The following DOCK2 variants were observed in gnomAD, a reference collection of about 807,000 sequenced individuals.
The protein encoded by DOCK2 is dedicator of cytokinesis 2.
Under a neutral mutation model 248.9 loss-of-function variants are expected in DOCK2, and 87 were observed. The ratio of observed to expected loss-of-function variants is 0.35; its 90% CI spans 0.29 to 0.42. The LOEUF (loss-of-function observed/expected upper bound fraction) is 0.42, where lower values mean the gene tolerates loss of function less well. DOCK2 is among the 10% of genes least tolerant of loss of function. DOCK2 has a pLI of 1.00. For missense variants in DOCK2, 1,747 were observed against 2,300.2 expected (o/e 0.76, Z 4.92); for synonymous variants, 805 against 821.6 (o/e 0.98, Z 0.35).
intron 2 of DOCK2, among the ~76,000 whole-genome samples, chr5:169,662,702 C>T (rs1758512081): frequency 6.6e-6 from 1 of 152,146 alleles, no homozygotes; most frequent in Admixed American, 6.5e-5. Context: ...CATCAGATCT[C>T]GTGAGAACTC....
chr5:169,723,541 C>T (rs949412102), intron 22 of DOCK2, among the ~76,000 whole-genome samples: 27 of 152,118 alleles, frequency 1.8e-4, no homozygotes, highest in Middle Eastern at 3.2e-3. Flanking sequence ...AAAAATTCTA[C>T]GGAGGACCCC....
chr5:169,980,742 G>A (rs1345506968), intron 27 of DOCK2: 1 of 152,214 alleles, frequency 6.6e-6, no homozygotes, highest in Non-Finnish European at 1.5e-5. Context: ...TAAATTAGCA[G>A]TGACGGCGGT....
At position 169,764,376 on chromosome 5, in the gene DOCK2, G is replaced by T. The variant is rs536370851; in HGVS notation, c.2554+2751G>T. Among the ~76,000 whole-genome samples the T allele has an allele frequency of 1.7e-4, 26 of 152,338 alleles. No homozygotes were observed. The East Asian group carries it at 2.1e-3, about 12-fold the overall frequency. ...AGGATCCTATGGAGAAGGTGGAGAA[G>T]GGTTTACTGGTTAAGGACGGTGGTT... On this transcript the variant is annotated intron_variant, in intron 25 of 51. Coordinates refer to ENST00000520908, the MANE Select transcript of DOCK2 (RefSeq NM_004946.3). This position sits in a 1 kb window ranked among gnomAD's most constrained non-coding sequence, Gnocchi z 4.3.
chr5:169,772,501 G>T (rs1418992190), intron 25 of DOCK2, among the ~76,000 whole-genome samples: 1 of 152,156 alleles, frequency 6.6e-6, no homozygotes, highest in Admixed American at 6.5e-5. Context: ...TGCTTATTAT[G>T]CACTGGCACT....
At chr5:169,698,201 G>A (rs1320778674) in intron 10 of DOCK2, among the ~76,000 whole-genome samples, 173 bp from the exon 11 acceptor site, 2 of 152,136 alleles carry the variant, frequency 1.3e-5, no homozygotes, top group African/African-American at 2.4e-5. Context: ...TGCTGCACGC[G>A]AGGAACCTCT....
chr5:169,867,993 T>C (rs1771699952), intron 27 of DOCK2, among the ~76,000 whole-genome samples: 3 of 152,218 alleles, frequency 2.0e-5, no homozygotes, highest in South Asian at 2.1e-4. Context: ...ACAATGCTCC[T>C]AGCTCCTGAA....
chr5:170,050,153 C>T (rs1756864568), intron 40 of DOCK2, 103 bp from the exon 41 acceptor site: 1 of 1,442,646 alleles, frequency 6.9e-7, no homozygotes, highest in Non-Finnish European at 9.5e-7. Flanking sequence ...ATGCACTGGA[C>T]ATCCCCATGG....
At chr5:169,680,169 T>C (rs576759558) in intron 6 of DOCK2, among the ~76,000 whole-genome samples, 31 of 152,374 alleles carry the variant, frequency 2.0e-4, no homozygotes, top group African/African-American at 7.5e-4. Flanking sequence ...TCTTAGTTTT[T>C]ACTAGCTATA....
At position 169,991,987 on chromosome 5, in the gene DOCK2, T is replaced by C. The variant is rs568610821; in HGVS notation, c.2994-4099T>C. Among the ~76,000 whole-genome samples, 46 of 152,328 alleles carry C rather than the reference T, an allele frequency of 3.0e-4. No individual in the cohort carries two copies. The South Asian group carries it at 8.9e-3, about 30-fold the overall frequency. On this transcript the variant is annotated intron_variant, in intron 29 of 51. Transcript: ENST00000520908. ...TTATGGCAATTGATGCTTCCATCAT[T>C]GTCATTATTAATAAAGTGAGCTCAC...
At chr5:169,698,492 C>T (rs761304389) in intron 11 of DOCK2, 43 bp downstream of exon 11, 6 of 1,604,462 alleles carry the variant, frequency 3.7e-6, no homozygotes, top group Non-Finnish European at 4.3e-6. Context: ...CAACCACACC[C>T]TTTGTCATCA....
intron 27 of DOCK2, among the ~76,000 whole-genome samples, chr5:169,933,797 C>T (rs925520989): frequency 2.0e-5 from 3 of 152,086 alleles, no homozygotes; most frequent in Non-Finnish European, 4.4e-5. Context: ...TTTCAACATG[C>T]AGATTTATGA....
chr5:169,971,589 A>C (rs1267630499), intron 27 of DOCK2, among the ~76,000 whole-genome samples: 1 of 152,194 alleles, frequency 6.6e-6, no homozygotes, highest in East Asian at 1.9e-4. Context: ...TCAGCTTCAT[A>C]AAAGCCAGAG....
At chr5:169,749,989 A>G (rs1404938990) in intron 23 of DOCK2, among the ~76,000 whole-genome samples, 1 of 152,192 alleles carries the variant, frequency 6.6e-6, no homozygotes, top group African/African-American at 2.4e-5. Context: ...CAGTGTTGGG[A>G]TATCTGGAGA....
chr5:169,724,467 A>G (rs150102266), intron 22 of DOCK2, among the ~76,000 whole-genome samples: 53 of 152,028 alleles, frequency 3.5e-4, no homozygotes, highest in African/African-American at 1.3e-3. Context: ...GGGGAGAGAA[A>G]AATTGCACTC....
chr5:169,990,553 C>A (rs1778179001), intron 29 of DOCK2, among the ~76,000 whole-genome samples: 1 of 152,196 alleles, frequency 6.6e-6, no homozygotes, highest in Non-Finnish European at 1.5e-5. Context: ...CGTGTCCTGT[C>A]ACTGAGCTGG....
Position 169,996,140 on chromosome 5 carries a change from A to G in DOCK2, c.3048A>G (p.Leu1016=), listed in dbSNP as rs1754624068. The G allele has an allele frequency of 6.2e-7, 1 of 1,614,034 alleles. No homozygotes were observed. The highest frequency in any genetic ancestry group is 1.3e-5 in the African/African-American group (1 of 75,052). ...CAGAAACCATGAACCAGAAGTTCCTAGAACACACGAACTTTGAGTTCCAGG... is the reference window on the plus strand; with the variant it reads ...CAGAAACCATGAACCAGAAGTTCCTGGAACACACGAACTTTGAGTTCCAGG... ...KFAETMNQKF[L]EHTNFEFQLW... is the part of the protein sequence containing the mutation. Residue 1016 remains leucine (L), a synonymous_variant, in exon 30 of 52, where the codon CTA becomes CTG. Transcript: ENST00000520908.
At chr5:169,669,051 T>C (rs1197854066) in intron 2 of DOCK2, among the ~76,000 whole-genome samples, 1 of 152,092 alleles carries the variant, frequency 6.6e-6, no homozygotes, top group Non-Finnish European at 1.5e-5. Flanking sequence ...GGCTCCTGAT[T>C]TTTCAAAATC....
intron 40 of DOCK2, among the ~76,000 whole-genome samples, chr5:170,048,232 A>G (rs1756784671): frequency 6.6e-6 from 1 of 151,950 alleles, no homozygotes; most frequent in Admixed American, 6.6e-5. Context: ...CCTCTACAAA[A>G]AATACAAAAA....
chr5:170,013,444 C>G (rs185396936), intron 32 of DOCK2, among the ~76,000 whole-genome samples: 1 of 151,912 alleles, frequency 6.6e-6, no homozygotes, highest in Non-Finnish European at 1.5e-5. Flanking sequence ...CAAGTGGGCT[C>G]AGTACAATTA....
Sources: gnomAD v4.1 joint callset for allele counts (sites outside exome capture counted in the v4.1 genomes callset) on GRCh38, gnomAD v4.1.1 for gene constraint, Gnocchi (gnomAD v3.1) non-coding constraint, MANE v1.5 for transcripts, NCBI Gene and HGNC (gene_info 2026-07-23, HGNC 2026-07-21) for gene names.